SNTG1: variants seen among roughly 807,000 people sequenced by gnomAD.
SNTG1 encodes the protein syntrophin gamma 1, also known as gamma-1-syntrophin.
A neutral mutation model predicts 74.7 loss-of-function variants in SNTG1; 39 were observed. The ratio of observed to expected loss-of-function variants is 0.52; its 90% CI spans 0.40 to 0.68. The LOEUF (loss-of-function observed/expected upper bound fraction) is 0.68. Ranked by LOEUF, SNTG1 falls within the 30% of genes least tolerant of loss-of-function variation. SNTG1 has a pLI of 0.00. For synonymous variants in SNTG1, 254 were observed against 217.1 expected, an observed-to-expected ratio of 1.17 and a Z score of -1.49; for missense variants, 685 against 609.5, an observed-to-expected ratio of 1.12 and a Z score of -1.30.
intron 17 of SNTG1, among the ~76,000 whole-genome samples, chr8:50,739,631 G>C (rs114344724): frequency 1.3e-5 from 2 of 151,732 alleles, no homozygotes; most frequent in Non-Finnish European, 2.9e-5. Context: ...TGGATTGTTG[G>C]GTGCAGCAAA....
intron 18 of SNTG1, among the ~76,000 whole-genome samples, chr8:50,781,105 A>C (rs1438217378): frequency 6.6e-6 from 1 of 152,170 alleles, no homozygotes; most frequent in Non-Finnish European, 1.5e-5. Flanking sequence ...ACATTTGCTG[A>C]GGAGAGCTTT....
intron 2 of SNTG1, among the ~76,000 whole-genome samples, chr8:50,300,358 G>T (rs186092953): frequency 2.3e-4 from 35 of 152,130 alleles, no homozygotes; most frequent in Non-Finnish European, 4.7e-4. Context: ...ACACAAATTC[G>T]TTTGATTCAT....
intron 1 of SNTG1, among the ~76,000 whole-genome samples, chr8:49,945,354 G>A (rs977532355): frequency 6.6e-6 from 1 of 152,164 alleles, no homozygotes; most frequent in African/African-American, 2.4e-5. Flanking sequence ...TGTATCCTCT[G>A]CTAAAGCTTA....
Position 50,047,334 on chromosome 8 carries a change from C to CA in SNTG1, c.-102-125216dup, listed in dbSNP as rs555972857. Among the ~76,000 whole-genome samples the CA allele has an allele frequency of 1.5e-4, 22 of 143,256 alleles. 1 individual carries two copies. The highest frequency in any genetic ancestry group is 2.0e-4 in the African/African-American group (8 of 39,126). The allele number at this position is 143,256 out of a possible 152,430, so 94.0% of individuals were successfully genotyped here. ...AGCCTTGGTGACACAGAGATGCTGC[C>CA]AAAAAAAAAAATTTTTAGTTCAACA... is the stretch of plus-strand genomic sequence containing the variant. On this transcript the variant is annotated intron_variant, in intron 1 of 18. Transcript: ENST00000642720.
intron 1 of SNTG1, among the ~76,000 whole-genome samples, chr8:50,153,713 C>T (rs2131554215): frequency 6.6e-6 from 1 of 152,322 alleles, no homozygotes; most frequent in Non-Finnish European, 1.5e-5. Flanking sequence ...GGCTGCAGAA[C>T]AGCGAATATT....
chr8:50,465,920 T>C (rs1463497467), intron 8 of SNTG1, among the ~76,000 whole-genome samples: 1 of 152,182 alleles, frequency 6.6e-6, no homozygotes, highest in East Asian at 1.9e-4. Flanking sequence ...TGCAGGTTTA[T>C]GTGTGGACAT....
intron 1 of SNTG1, among the ~76,000 whole-genome samples, chr8:50,084,466 AT>A (rs1166236495): frequency 1.3e-5 from 2 of 152,180 alleles, no homozygotes; most frequent in Admixed American, 6.6e-5. Flanking sequence ...CTCAAAAAAA[AT>A]AAAATAAAAA....
Position 50,138,957 on chromosome 8 carries a change from A to G in SNTG1, c.-102-33604A>G, listed in dbSNP as rs539722172. ...TATTTGACAATAAAATTACTGAACT[A>G]AAGTCTAAAAGTTTAGAAATAACAG... On this transcript the variant is annotated intron_variant, in intron 1 of 18. Transcript: ENST00000642720. 1.1e-3 allele frequency among the ~76,000 whole-genome samples: 165 copies of G among 152,266 alleles called. 1 individual carries two copies. Among genetic ancestry groups the G allele is most frequent in the Non-Finnish European group, 2.0e-3 (138 of 68,016 alleles).
intron 1 of SNTG1, among the ~76,000 whole-genome samples, chr8:50,153,928 G>A (rs900655977): frequency 1.3e-5 from 2 of 152,160 alleles, no homozygotes; most frequent in Non-Finnish European, 1.5e-5. Context: ...TCTCTTTGAA[G>A]CTGTCAGACA....
At chr8:50,739,559 T>C (rs1220404364) in intron 17 of SNTG1, among the ~76,000 whole-genome samples, 1 of 152,042 alleles carries the variant, frequency 6.6e-6, no homozygotes, top group Non-Finnish European at 1.5e-5. Flanking sequence ...AATCCATTAC[T>C]GGGTATATAC....
chr8:50,755,827 G>A (rs2095578986), intron 18 of SNTG1, among the ~76,000 whole-genome samples: 1 of 151,714 alleles, frequency 6.6e-6, no homozygotes, highest in Admixed American at 6.6e-5. Flanking sequence ...TATTATTGTT[G>A]TTTTAATTTG....
intron 1 of SNTG1, among the ~76,000 whole-genome samples, chr8:50,152,651 C>T (rs1480617934): frequency 2.6e-5 from 4 of 152,124 alleles, no homozygotes; most frequent in Admixed American, 2.0e-4. Context: ...GATTTTATTT[C>T]TCCTTCACTT....
intron 8 of SNTG1, chr8:50,457,913 C>G (rs1053619273): frequency 2.0e-5 from 3 of 152,216 alleles, no homozygotes; most frequent in African/African-American, 7.2e-5. Context: ...TCTTTCAGCT[C>G]TCAGAACACT....
chr8:50,532,175 A>G (rs1415001531), intron 10 of SNTG1, among the ~76,000 whole-genome samples: 2 of 152,166 alleles, frequency 1.3e-5, no homozygotes, highest in East Asian at 3.9e-4. Flanking sequence ...ACATTGCTGA[A>G]GATATTTCAG....
chr8:50,744,474 ATTAT>A (rs1563801483), intron 17 of SNTG1, among the ~76,000 whole-genome samples: 1 of 152,028 alleles, frequency 6.6e-6, no homozygotes, highest in African/African-American at 2.4e-5. Context: ...AAGACATATT[ATTAT>A]TAAGATGACA....
intron 1 of SNTG1, among the ~76,000 whole-genome samples, chr8:50,140,765 C>T (rs2131463966): frequency 6.6e-6 from 1 of 152,178 alleles, no homozygotes; most frequent in East Asian, 1.9e-4. Flanking sequence ...ATCTTCATTC[C>T]TTCTTTATGG....
intron 2 of SNTG1, among the ~76,000 whole-genome samples, chr8:50,330,446 C>A (rs1446802511): frequency 6.6e-6 from 1 of 152,122 alleles, no homozygotes; most frequent in Non-Finnish European, 1.5e-5. Context: ...TGGTCAACAC[C>A]ATTCAAAAAA....
intron 13 of SNTG1, among the ~76,000 whole-genome samples, chr8:50,602,680 A>G (rs922396013): frequency 1.3e-5 from 2 of 152,172 alleles, no homozygotes; most frequent in African/African-American, 4.8e-5. Context: ...CATTTCTTGT[A>G]GGACAGGTCT....
intron 2 of SNTG1, among the ~76,000 whole-genome samples, chr8:50,390,943 T>G (rs1340234201): frequency 6.6e-6 from 1 of 152,128 alleles, no homozygotes; most frequent in African/African-American, 2.4e-5. Flanking sequence ...TTTGCTAAAG[T>G]TGCTTATCAG....
Sources: allele counts gnomAD v4.1 joint callset (sites outside exome capture counted in the v4.1 genomes callset), GRCh38; gene constraint gnomAD v4.1.1; transcripts MANE v1.5; gene names NCBI Gene and HGNC (gene_info 2026-07-23, HGNC 2026-07-21).